RFX4: variants seen among roughly 807,000 people sequenced by gnomAD.
RFX4 encodes regulatory factor X4.
In RFX4, 10 loss-of-function variants were observed where a neutral mutation model predicts 95.0. The observed-to-expected ratio is 0.11, with a 90% CI of 0.06 to 0.18. The LOEUF (loss-of-function observed/expected upper bound fraction) is 0.18, where lower values mean the gene tolerates loss of function less well. Among genes scored for constraint, RFX4 ranks in the 10% least tolerant of loss-of-function variants. The probability of loss-of-function intolerance (pLI) is 1.00; values close to 1 mark genes in which losing one functional copy is unlikely to be tolerated. For synonymous variants in RFX4, 321 were observed against 340.7 expected, an observed-to-expected ratio of 0.94 and a Z score of 0.64; for missense variants, 640 against 922.0, an observed-to-expected ratio of 0.69 and a Z score of 3.96.
chr12:106,673,210 A>T (rs4964480), intron 4 of RFX4, among the ~76,000 whole-genome samples: 1 of 152,128 alleles, frequency 6.6e-6, no homozygotes, highest in Non-Finnish European at 1.5e-5. Context: ...GGGCTAGAAA[A>T]TAATGATAAC....
chr12:106,742,947 T>C (rs1413327330), intron 15 of RFX4, among the ~76,000 whole-genome samples: 1 of 152,244 alleles, frequency 6.6e-6, no homozygotes, highest in Admixed American at 6.5e-5. Context: ...GATTGTCTAT[T>C]ATATTCCGAG....
At chr12:106,721,541 C>T (rs2042396213) in intron 13 of RFX4, among the ~76,000 whole-genome samples, 1 of 152,146 alleles carries the variant, frequency 6.6e-6, no homozygotes, top group African/African-American at 2.4e-5. Context: ...TGTTATGATA[C>T]ATTGTAGGAC....
At chr12:106,669,562 C>A (rs10778498) in intron 4 of RFX4, among the ~76,000 whole-genome samples, 54,778 of 151,696 alleles carry the variant, frequency 0.36, 9,964 homozygotes, top group South Asian at 0.39. Flanking sequence ...TGGCCCTCTT[C>A]TTCTAGTCCC....
chr12:106,635,627 T>C (rs1297491084), intron 2 of RFX4, among the ~76,000 whole-genome samples: 2 of 152,190 alleles, frequency 1.3e-5, no homozygotes, highest in African/African-American at 2.4e-5. Flanking sequence ...GTTTTTCATA[T>C]AGCCTTTTCT....
At chr12:106,704,883 G>C (rs192054741) in intron 8 of RFX4, among the ~76,000 whole-genome samples, 37 of 152,052 alleles carry the variant, frequency 2.4e-4, no homozygotes, top group Non-Finnish European at 4.9e-4. Context: ...AAGTCAAAGA[G>C]GCAAAGAAAA....
At chr12:106,710,572 C>T (rs764499872) in intron 9 of RFX4, among the ~76,000 whole-genome samples, 16 of 152,136 alleles carry the variant, frequency 1.1e-4, no homozygotes, top group Non-Finnish European at 2.1e-4. Context: ...TATTACTTGA[C>T]CAGTTCAGAA....
At chr12:106,729,532 G>T (rs2042570350) in intron 13 of RFX4, among the ~76,000 whole-genome samples, 1 of 152,190 alleles carries the variant, frequency 6.6e-6, no homozygotes, top group South Asian at 2.1e-4. Flanking sequence ...ACAGTCCAGG[G>T]TTCAAGTCTT....
intron 17 of RFX4, among the ~76,000 whole-genome samples, chr12:106,754,417 A>C (rs1219467864): frequency 6.6e-6 from 1 of 152,224 alleles, no homozygotes; most frequent in Admixed American, 6.5e-5. Flanking sequence ...CAAGCACTGC[A>C]CTAGCCACTG....
intron 4 of RFX4, among the ~76,000 whole-genome samples, chr12:106,676,770 A>G (rs1435609891): frequency 1.3e-5 from 2 of 152,214 alleles, no homozygotes; most frequent in Middle Eastern, 3.2e-3. Flanking sequence ...AATAGAAGAG[A>G]AATCTTCACT....
intron 1 of RFX4, chr12:106,601,183 C>T (rs2039698405): frequency 6.6e-7 from 1 of 1,524,782 alleles, no homozygotes. Flanking sequence ...GGAGAGGCCA[C>T]AGCTGCTGGC....
intron 5 of RFX4, 26 bp from the exon 6 acceptor site, chr12:106,686,858 T>C: frequency 1.3e-6 from 2 of 1,580,900 alleles, no homozygotes; most frequent in South Asian, 2.2e-5. Context: ...TTTTTCTCTC[T>C]CTCCCTCCCT....
At chr12:106,603,914 G>C (rs867698682) in intron 1 of RFX4, among the ~76,000 whole-genome samples, 1 of 152,090 alleles carries the variant, frequency 6.6e-6, no homozygotes, top group Admixed American at 6.5e-5. Context: ...GCTTAATAAA[G>C]TTTTTAGAAA....
chr12:106,593,827 A>G (rs917506416), intron 1 of RFX4, among the ~76,000 whole-genome samples: 4 of 152,234 alleles, frequency 2.6e-5, no homozygotes, highest in African/African-American at 9.6e-5. Flanking sequence ...ATGCTCATGA[A>G]TAAGTCAAGT....
At position 106,761,423 on chromosome 12, in the gene RFX4, G is replaced by C; in HGVS notation, c.2162G>C (p.Gly721Ala). The change falls in exon 18 of 18, where the codon GGC becomes GCC. Residue 721 changes from glycine (G) to alanine (A), a missense_variant. By Grantham distance (60) the Gly-to-Ala change is moderately conservative (BLOSUM62 0). Coordinates refer to ENST00000392842, the MANE Select transcript of RFX4 (RefSeq NM_213594.3). ...TATGAGCACATGCAACACTTTCCTG[G>C]CTTTGCTTACATCAACGGAGAGGCC... ...SEYEHMQHFP[G>A]FAYINGEAST... is the part of the protein sequence containing the mutation. 6.2e-7 allele frequency: 1 copy of C among 1,614,012 alleles called. No individual in the cohort carries two copies. Among genetic ancestry groups the C allele is most frequent in the Non-Finnish European group, 8.5e-7 (1 of 1,180,000 alleles).
At chr12:106,609,921 G>A (rs570670299) in intron 2 of RFX4, among the ~76,000 whole-genome samples, 13 of 151,976 alleles carry the variant, frequency 8.6e-5, no homozygotes, top group Non-Finnish European at 1.5e-4. Flanking sequence ...ATGGGATAAT[G>A]GACTCTGTAT....
At chr12:106,663,272 A>G (rs1186810855) in intron 4 of RFX4, among the ~76,000 whole-genome samples, 1 of 151,992 alleles carries the variant, frequency 6.6e-6, no homozygotes, top group Non-Finnish European at 1.5e-5. Context: ...GCTCTTATAC[A>G]TAGCTTGTTA....
chr12:106,677,827 G>A (rs949755245), intron 4 of RFX4, among the ~76,000 whole-genome samples: 1 of 152,134 alleles, frequency 6.6e-6, no homozygotes, highest in Non-Finnish European at 1.5e-5. Context: ...GTGCAGTAGT[G>A]GGGGTAAGGG....
intron 1 of RFX4, among the ~76,000 whole-genome samples, chr12:106,603,020 A>G (rs951143568): frequency 2.0e-5 from 3 of 152,240 alleles, no homozygotes; most frequent in Non-Finnish European, 4.4e-5. Context: ...CCTGTGTAAT[A>G]TATGTGTGTC....
intron 15 of RFX4, among the ~76,000 whole-genome samples, chr12:106,743,688 G>A (rs2042845426): frequency 6.6e-6 from 1 of 152,192 alleles, no homozygotes; most frequent in Non-Finnish European, 1.5e-5. Flanking sequence ...CAGTTGCTGT[G>A]CTCCGGGGCT....
Sources: gnomAD v4.1 joint callset for allele counts (sites outside exome capture counted in the v4.1 genomes callset) on GRCh38, gnomAD v4.1.1 for gene constraint, MANE v1.5 for transcripts, NCBI Gene and HGNC (gene_info 2026-07-23, HGNC 2026-07-21) for gene names.